GRSF1: variants seen among roughly 807,000 people sequenced by gnomAD.
GRSF1 encodes the protein G-rich RNA sequence binding factor 1.
GRSF1 carries 50 observed loss-of-function variants against 51.1 expected under a neutral mutation model. That is an observed-to-expected ratio of 0.98 (90% confidence interval 0.78 to 1.24). The LOEUF (loss-of-function observed/expected upper bound fraction) is 1.24. GRSF1 is among the 50% of genes most tolerant of loss of function. The probability of loss-of-function intolerance (pLI) is 0.00; values close to 1 mark genes in which losing one functional copy is unlikely to be tolerated. For missense variants in GRSF1, 700 were observed against 639.7 expected (o/e 1.09, Z -1.02); for synonymous variants, 293 against 253.3 (o/e 1.16, Z -1.49).
chr4:70,835,165 C>G (rs1002356613), intron 2 of GRSF1, among the ~76,000 whole-genome samples: 1 of 151,422 alleles, frequency 6.6e-6, no homozygotes, highest in Non-Finnish European at 1.5e-5. Flanking sequence ...TCATACCAGC[C>G]GGGCACGGTG....
chr4:70,839,993 GCTCCGCCCAGT>G (rs1417144659), upstream of GRSF1: 32 of 575,468 alleles, frequency 5.6e-5, 1 homozygote, highest in South Asian at 2.9e-4. Context: ...AGAGCGCGAC[GCTCCGCCCAGT>G]CTCCGCCCTT....
At chr4:70,829,206 T>A (rs1290773370) in intron 5 of GRSF1, among the ~76,000 whole-genome samples, 2 of 152,264 alleles carry the variant, frequency 1.3e-5, no homozygotes, top group East Asian at 3.9e-4. Context: ...TCCTTTTTCT[T>A]AACATGGCCT....
At chr4:70,830,164 A>T (rs939462557) in intron 5 of GRSF1, among the ~76,000 whole-genome samples, 3 of 152,188 alleles carry the variant, frequency 2.0e-5, no homozygotes, top group Admixed American at 6.5e-5. Flanking sequence ...GCAGTGGCTC[A>T]CACCTGTAAT....
At position 70,817,141 on chromosome 4, in the gene GRSF1, C is replaced by T. The variant is rs560681776; in HGVS notation, c.*3746G>A. On this transcript the variant is annotated 3_prime_UTR_variant, in exon 10 of 10. Coordinates refer to ENST00000254799, the MANE Select transcript of GRSF1 (RefSeq NM_002092.4). ...TGAATTACAGGAGGGGAAGGAGAATCTTCACTACCGTTTGTATCTCTTCAA... is the reference window on the plus strand; with the variant it reads ...TGAATTACAGGAGGGGAAGGAGAATTTTCACTACCGTTTGTATCTCTTCAA... 1.3e-5 allele frequency: 2 copies of T among 152,096 alleles called. No individual in the cohort carries two copies. Among genetic ancestry groups the T allele is most frequent in the Non-Finnish European group, 2.9e-5 (2 of 68,026 alleles). 9.4% of individuals were successfully genotyped at this position (152,096 alleles called of 1,614,324 possible). A position where few individuals can be genotyped will look rare whatever the true frequency, so the allele number is the denominator to read the frequency against.
chr4:70,824,445 A>T, intron 8 of GRSF1, 77 bp from the exon 9 acceptor site: 2 of 767,348 alleles, frequency 2.6e-6, no homozygotes, highest in Non-Finnish European at 4.6e-6. Flanking sequence ...CTCACAGTTC[A>T]GACAGCAACT....
intron 2 of GRSF1, 47 bp from the exon 3 acceptor site, chr4:70,833,320 T>C (rs1162731547): frequency 4.5e-6 from 7 of 1,539,572 alleles, no homozygotes; most frequent in African/African-American, 2.7e-5. Flanking sequence ...ATCAAACTTT[T>C]AGCTCAATTA....
chr4:70,839,756 G>A lies in GRSF1; in HGVS notation c.72C>T (p.Arg24=). 1 of 1,504,282 alleles carries A rather than the reference G, an allele frequency of 6.6e-7. No individual in the cohort carries two copies. Among genetic ancestry groups the A allele is most frequent in the Non-Finnish European group, 8.8e-7 (1 of 1,133,958 alleles). 93.2% of individuals were successfully genotyped at this position (1,504,282 alleles called of 1,614,324 possible). The change falls in exon 1 of 10, where the codon CGC becomes CGT. Residue 24 remains arginine, a synonymous_variant. Transcript: ENST00000254799. ...GCGCNCSSCR[R]TGAACLPFYS... is the part of the protein sequence containing the mutation. The stretch of plus-strand genomic sequence containing the variant: ...AGAAGGGCAGGCAGGCGGCGCCGGT[G>A]CGCCGGCAGCTGCTGCAGTTACAGC...
intron 6 of GRSF1, among the ~76,000 whole-genome samples, chr4:70,826,852 A>C (rs1253426907): frequency 1.3e-5 from 2 of 152,110 alleles, no homozygotes; most frequent in Non-Finnish European, 2.9e-5. Flanking sequence ...TGTCTCAAAA[A>C]ACAAAAATAT....
chr4:70,839,084 C>A, intron 1 of GRSF1: 2 of 1,260,460 alleles, frequency 1.6e-6, no homozygotes, highest in Non-Finnish European at 2.1e-6. Flanking sequence ...AACTCCCAAC[C>A]CTCCGGCGGG....
chr4:70,839,901 GCC>G (rs1354277651), upstream of GRSF1: 14 of 1,369,224 alleles, frequency 1.0e-5, no homozygotes, highest in Non-Finnish European at 9.5e-7. Context: ...GGAATCCAGG[GCC>G]GGTTGGGGGT....
intron 5 of GRSF1, among the ~76,000 whole-genome samples, chr4:70,830,957 TA>T (rs1392469750): frequency 1.3e-5 from 2 of 151,930 alleles, no homozygotes; most frequent in African/African-American, 4.8e-5. Context: ...AGATGCATAC[TA>T]AAAAAAACCC....
In GRSF1 at chr4:70,820,548, G is replaced by A. The variant is rs1733460728; in HGVS notation, c.*339C>T. The A allele has an allele frequency of 6.6e-6, 1 of 152,146 alleles. No individual in the cohort carries two copies. Among genetic ancestry groups the A allele is most frequent in the Non-Finnish European group, 1.5e-5 (1 of 67,974 alleles). 9.4% of individuals were successfully genotyped at this position (152,146 alleles called of 1,614,324 possible). A position where few individuals can be genotyped will look rare whatever the true frequency, so the allele number is the denominator to read the frequency against. On this transcript the variant is annotated 3_prime_UTR_variant, in exon 10 of 10. Transcript: ENST00000254799. ...ATGAAACCGTTTAAAGAACACTGCT[G>A]AATAAAAATATGTGGTCTTTACAAT...
chr4:70,831,574 T>G lies in GRSF1; in HGVS notation c.915A>C (p.Gln305His). ...VQFEEPEMAN[Q>H]ALLKHREEIG... ...TTTCTTCCCTGTGTTTCAACAGGGCTTGGTTGGCCATTTCTGGTTCTTCAA... is the reference window on the plus strand; with the variant it reads ...TTTCTTCCCTGTGTTTCAACAGGGCGTGGTTGGCCATTTCTGGTTCTTCAA... Residue 305 changes from glutamine (Q) to histidine (H), a missense_variant, in exon 5 of 10, where the codon CAA (glutamine) becomes CAC (histidine). Physicochemically the swap from Gln to His is conservative, Grantham distance 24 (BLOSUM62 0). Transcript: ENST00000254799. 1 of 1,613,822 alleles carries G rather than the reference T, an allele frequency of 6.2e-7. No homozygotes were observed. Among genetic ancestry groups the G allele is most frequent in the Non-Finnish European group, 8.5e-7 (1 of 1,179,740 alleles).
At chr4:70,832,224 G>T (rs1712067435) in intron 4 of GRSF1, 83 bp downstream of exon 4, 1 of 1,166,482 alleles carries the variant, frequency 8.6e-7, no homozygotes, top group Non-Finnish European at 1.2e-6. Flanking sequence ...CCTTTGCCCA[G>T]AAACAGGCTC....
intron 1 of GRSF1, among the ~76,000 whole-genome samples, chr4:70,837,387 A>G (rs1025855717): frequency 1.3e-5 from 2 of 151,796 alleles, no homozygotes; most frequent in South Asian, 2.1e-4. Context: ...ACATGGCAAA[A>G]CCCCATCTCT....
rs771486132 is a variant in GRSF1, at chr4:70,839,337, G to A, written c.357+134C>T. On this transcript the variant is annotated intron_variant, in intron 1 of 9. Coordinates refer to ENST00000254799, the MANE Select transcript of GRSF1 (RefSeq NM_002092.4). ...CCAATAGGAGCACAGGGTGGACGGG[G>A]GCGGGTGTGCGGCGAGTGTCGCGGA... The A allele has an allele frequency of 1.3e-5, 19 of 1,504,584 alleles. No homozygotes were observed. In the South Asian group the frequency reaches 2.3e-4, roughly 18 times the overall value. The allele number at this position is 1,504,584 out of a possible 1,614,324, so 93.2% of individuals were successfully genotyped here. A position where few individuals can be genotyped will look rare whatever the true frequency, so the allele number is the denominator to read the frequency against.
chr4:70,837,778 G>A (rs924684747), intron 1 of GRSF1, among the ~76,000 whole-genome samples: 4 of 150,744 alleles, frequency 2.7e-5, no homozygotes, highest in African/African-American at 9.7e-5. Context: ...TGGGATTACA[G>A]GCGCCCGCCA....
At chr4:70,831,779 C>T (rs761483953) in intron 4 of GRSF1, 105 bp from the exon 5 acceptor site, 16 of 1,010,948 alleles carry the variant, frequency 1.6e-5, no homozygotes, top group African/African-American at 3.3e-5. Context: ...TTGCCAGTCC[C>T]AAAACTGAAT....
chr4:70,838,087 C>T (rs1257733430), intron 1 of GRSF1, among the ~76,000 whole-genome samples: 1 of 151,284 alleles, frequency 6.6e-6, no homozygotes, highest in Non-Finnish European at 1.5e-5. Flanking sequence ...GGCGCAGTGG[C>T]GGGCGCCTGT....
Sources: gnomAD v4.1 joint callset for allele counts (sites outside exome capture counted in the v4.1 genomes callset) on GRCh38, gnomAD v4.1.1 for gene constraint, MANE v1.5 for transcripts, NCBI Gene and HGNC (gene_info 2026-07-23, HGNC 2026-07-21) for gene names.